Variants in CNTNAP2 observed in about 807,000 individuals in gnomAD.
The protein encoded by CNTNAP2 is contactin associated protein 2, also known as contactin-associated protein-like 2.
In CNTNAP2, 98 loss-of-function variants were observed where a neutral mutation model predicts 155.2. The ratio of observed to expected loss-of-function variants is 0.63; its 90% CI spans 0.54 to 0.75. The LOEUF is 0.75. Among genes scored for constraint, CNTNAP2 ranks in the 30% least tolerant of loss-of-function variants. CNTNAP2 has a pLI of 0.00. For missense variants in CNTNAP2, 1,727 were observed against 1,688.1 expected (o/e 1.02, Z -0.40); for synonymous variants, 651 against 631.2 (o/e 1.03, Z -0.47).
chr7:147,470,763 G>T (rs1253275614), intron 10 of CNTNAP2, among the ~76,000 whole-genome samples: 7 of 152,128 alleles, frequency 4.6e-5, no homozygotes, highest in Middle Eastern at 3.4e-3. Flanking sequence ...ATTTTGAGGT[G>T]TCTAGTAGAT....
chr7:148,330,046 A>G (rs1270520879), intron 21 of CNTNAP2, among the ~76,000 whole-genome samples: 1 of 152,188 alleles, frequency 6.6e-6, no homozygotes, highest in Non-Finnish European at 1.5e-5. Flanking sequence ...TGGATGAAAG[A>G]CATGGAAGGA....
chr7:148,262,838 T>C (rs2141512), intron 20 of CNTNAP2, among the ~76,000 whole-genome samples: 117,020 of 152,068 alleles, frequency 0.77, 45,161 homozygotes, highest in South Asian at 0.88. Flanking sequence ...TGGTCTCGTG[T>C]CACATGGTCA....
intron 18 of CNTNAP2, among the ~76,000 whole-genome samples, chr7:148,192,707 C>T (rs1428662463): frequency 2.0e-5 from 3 of 152,142 alleles, no homozygotes; most frequent in Non-Finnish European, 4.4e-5. Flanking sequence ...TGACACATGC[C>T]AACTACTTTG....
At chr7:147,868,701 G>A (rs1799274065) in intron 13 of CNTNAP2, among the ~76,000 whole-genome samples, 3 of 152,206 alleles carry the variant, frequency 2.0e-5, no homozygotes, top group Admixed American at 1.3e-4. Context: ...CCACAGCCAG[G>A]CTGCTGCCTT....
Position 147,248,170 on chromosome 7 carries a change from T to G in CNTNAP2, c.1349-51971T>G, listed in dbSNP as rs111710173. On this transcript the variant is annotated intron_variant, in intron 8 of 23. Transcript: ENST00000361727. The stretch of plus-strand genomic sequence containing the variant: ...TTCCGAAAAGGTTATAGGATTTAGA[T>G]AGTGCCAAAGACTAAGTCTGAAACA... 1.9e-3 allele frequency among the ~76,000 whole-genome samples: 295 copies of G among 152,328 alleles called. 4 individuals are homozygous for G. The highest frequency in any genetic ancestry group is 6.7e-3 in the African/African-American group (280 of 41,584).
chr7:148,304,244 G>A (rs1797448079), intron 21 of CNTNAP2, among the ~76,000 whole-genome samples: 1 of 149,284 alleles, frequency 6.7e-6, no homozygotes, highest in Admixed American at 6.9e-5. Flanking sequence ...AAGAAGGGAG[G>A]TGCTTTGTTT....
At chr7:147,351,236 G>A (rs1795963703) in intron 9 of CNTNAP2, among the ~76,000 whole-genome samples, 1 of 151,670 alleles carries the variant, frequency 6.6e-6, no homozygotes, top group Non-Finnish European at 1.5e-5. Flanking sequence ...TGATTTGAGT[G>A]CTAGATTAGT....
intron 3 of CNTNAP2, among the ~76,000 whole-genome samples, chr7:146,890,115 A>G (rs183557968): frequency 4.9e-4 from 75 of 152,306 alleles, no homozygotes; most frequent in African/African-American, 1.6e-3. Context: ...CATTGGAAGC[A>G]AAGATGAAAA....
chr7:146,851,830 G>A (rs1443007016), intron 3 of CNTNAP2, among the ~76,000 whole-genome samples: 2 of 151,854 alleles, frequency 1.3e-5, no homozygotes, highest in Non-Finnish European at 2.9e-5. Flanking sequence ...ACAGGTGCAT[G>A]TCACCATGCC....
chr7:148,051,723 C>A (rs924279078), intron 15 of CNTNAP2, among the ~76,000 whole-genome samples: 3 of 152,306 alleles, frequency 2.0e-5, no homozygotes, highest in African/African-American at 7.2e-5. Context: ...AAAATAGTTT[C>A]TATTTTACGT....
intron 8 of CNTNAP2, among the ~76,000 whole-genome samples, chr7:147,142,930 T>A (rs556922792): frequency 1.3e-5 from 2 of 152,208 alleles, no homozygotes; most frequent in Admixed American, 1.3e-4. Context: ...CCATTTATCA[T>A]TTATTGCCCA....
At chr7:147,532,067 A>G (rs948179924) in intron 11 of CNTNAP2, among the ~76,000 whole-genome samples, 4 of 152,054 alleles carry the variant, frequency 2.6e-5, no homozygotes, top group Admixed American at 1.3e-4. Flanking sequence ...TCGGCCTCCC[A>G]AAGTGCTGGG....
intron 14 of CNTNAP2, among the ~76,000 whole-genome samples, chr7:147,906,270 A>C (rs2710118): frequency 0.66 from 100,805 of 151,752 alleles, 33,779 homozygotes; most frequent in Middle Eastern, 0.76. Flanking sequence ...CGGCCCACTG[A>C]AACCTCTGCC....
chr7:147,718,939 T>C lies in CNTNAP2; in HGVS notation c.2098+79633T>C, dbSNP rs76235724. On this transcript the variant is annotated intron_variant, in intron 13 of 23. Coordinates refer to ENST00000361727, the MANE Select transcript of CNTNAP2 (RefSeq NM_014141.6). ...ATTGCACTGAGACATAAACACTTTT[T>C]AATAACTGTCCTTTAAGGATTTTCA... Among the ~76,000 whole-genome samples, 845 of 152,276 alleles carry C rather than the reference T, an allele frequency of 5.5e-3. 13 individuals carry two copies. Among genetic ancestry groups the C allele is most frequent in the African/African-American group, 0.019 (794 of 41,564 alleles).
intron 15 of CNTNAP2, among the ~76,000 whole-genome samples, chr7:148,032,195 G>A (rs1802490746): frequency 6.6e-6 from 1 of 152,160 alleles, no homozygotes; most frequent in African/African-American, 2.4e-5. Flanking sequence ...TGCTAATCTG[G>A]CTGTGGTCAT....
intron 21 of CNTNAP2, among the ~76,000 whole-genome samples, chr7:148,306,069 C>T (rs998258311): frequency 6.6e-6 from 1 of 152,154 alleles, no homozygotes; most frequent in African/African-American, 2.4e-5. Context: ...TTTATTCTCC[C>T]TCATGCTTAA....
chr7:146,872,505 A>T (rs776389008), intron 3 of CNTNAP2, among the ~76,000 whole-genome samples: 1 of 152,174 alleles, frequency 6.6e-6, no homozygotes, highest in Non-Finnish European at 1.5e-5. Context: ...ACCTACAAAG[A>T]CATTGTCAGT....
intron 10 of CNTNAP2, among the ~76,000 whole-genome samples, chr7:147,431,822 G>A (rs1231722292): frequency 6.6e-6 from 1 of 151,918 alleles, no homozygotes; most frequent in African/African-American, 2.4e-5. Flanking sequence ...CCTTTTCTAG[G>A]CTTATTCTCC....
intron 8 of CNTNAP2, among the ~76,000 whole-genome samples, chr7:147,263,977 G>C (rs1804550291): frequency 1.3e-5 from 2 of 152,300 alleles, no homozygotes; most frequent in Middle Eastern, 6.8e-3. Context: ...GGATTCAGAG[G>C]ACTGTCTTGC....
Sources: allele counts gnomAD v4.1 joint callset (sites outside exome capture counted in the v4.1 genomes callset), GRCh38; gene constraint gnomAD v4.1.1; transcripts MANE v1.5; gene names NCBI Gene and HGNC (gene_info 2026-07-23, HGNC 2026-07-21).